Variants in ERO1B observed in about 807,000 individuals in gnomAD.
ERO1B encodes endoplasmic reticulum oxidoreductase 1 beta.
ERO1B carries 49 observed loss-of-function variants against 75.3 expected under a neutral mutation model. The observed-to-expected ratio is 0.65, with a 90% CI of 0.52 to 0.83. The LOEUF is 0.83. Ranked by LOEUF, ERO1B falls within the 40% of genes least tolerant of loss-of-function variation. The pLI is 0.00. For missense variants in ERO1B, 512 were observed against 560.1 expected (o/e 0.91, Z 0.87); for synonymous variants, 191 against 192.9 (o/e 0.99, Z 0.08).
rs1039926959 is a variant in ERO1B at position 236,253,286 on chromosome 1, A to C, written c.306+136T>G. On this transcript the variant is annotated intron_variant, in intron 3 of 15. Coordinates refer to ENST00000354619, the MANE Select transcript of ERO1B (RefSeq NM_019891.4). ...TAGAATCTTCAATAATCTGGTTCTA[A>C]AGGAGAGAGCTGAGAGCATATGAAT... The C allele has an allele frequency of 9.9e-6, 6 of 605,778 alleles. No homozygotes were observed. In the Admixed American group the frequency reaches 1.8e-4, roughly 18 times the overall value. The allele number at this position is 605,778 out of a possible 1,614,324, so 37.5% of individuals were successfully genotyped here. A position where few individuals can be genotyped will look rare whatever the true frequency, so the allele number is the denominator to read the frequency against.
chr1:236,225,207 A>G (rs1664251063), intron 12 of ERO1B, 68 bp from the exon 13 acceptor site: 2 of 1,454,596 alleles, frequency 1.4e-6, no homozygotes. Flanking sequence ...CAGAAACCTG[A>G]TAAAATTTTC....
At chr1:236,265,402 TG>T (rs1451710995) in intron 2 of ERO1B, among the ~76,000 whole-genome samples, 1 of 152,228 alleles carries the variant, frequency 6.6e-6, no homozygotes, top group African/African-American at 2.4e-5. Flanking sequence ...TGCTTGTATA[TG>T]TGCACTCAAA....
At chr1:236,224,038 G>A (rs1046995180) in intron 13 of ERO1B, among the ~76,000 whole-genome samples, 1 of 152,066 alleles carries the variant, frequency 6.6e-6, no homozygotes. Context: ...TTAAATTTTA[G>A]AAATACAGTA....
intron 6 of ERO1B, among the ~76,000 whole-genome samples, chr1:236,237,366 C>T (rs1041012969): frequency 6.6e-6 from 1 of 152,046 alleles, no homozygotes; most frequent in Non-Finnish European, 1.5e-5. Context: ...CCACCTGCCT[C>T]GGCCTCCCAA....
At chr1:236,242,859 G>T (rs974911714) in intron 6 of ERO1B, among the ~76,000 whole-genome samples, 7 of 152,132 alleles carry the variant, frequency 4.6e-5, no homozygotes, top group African/African-American at 1.7e-4. Flanking sequence ...AGTTACTCTG[G>T]TGGAGAGTGT....
chr1:236,258,899 A>AT (rs1665229076), intron 2 of ERO1B, among the ~76,000 whole-genome samples: 2 of 152,140 alleles, frequency 1.3e-5, no homozygotes, highest in Non-Finnish European at 2.9e-5. Context: ...AAACATAAAT[A>AT]AATAAATAAA....
At chr1:236,243,756 AAATT>A (rs1314581076) in intron 5 of ERO1B, among the ~76,000 whole-genome samples, 1 of 152,158 alleles carries the variant, frequency 6.6e-6, no homozygotes, top group African/African-American at 2.4e-5. Flanking sequence ...TTTCAAGGAG[AAATT>A]AATTTGTAAA....
At chr1:236,239,873 G>GTATA (rs1572042451) in intron 6 of ERO1B, among the ~76,000 whole-genome samples, 3 of 78,556 alleles carry the variant, frequency 3.8e-5, no homozygotes, top group Non-Finnish European at 4.9e-5. Context: ...ATATATATGT[G>GTATA]TATATGTGTG....
At chr1:236,265,021 T>G (rs1045002893) in intron 2 of ERO1B, among the ~76,000 whole-genome samples, 2 of 147,774 alleles carry the variant, frequency 1.4e-5, no homozygotes, top group African/African-American at 4.9e-5. Context: ...TAAAATAAAA[T>G]TTTATGGCTC....
intron 1 of ERO1B, among the ~76,000 whole-genome samples, chr1:236,275,303 C>T (rs1665685873): frequency 6.6e-6 from 1 of 152,210 alleles, no homozygotes; most frequent in African/African-American, 2.4e-5. Context: ...TTCTGACTGG[C>T]TATCAATTGT....
chr1:236,245,165 T>C (rs1443787545), intron 5 of ERO1B, among the ~76,000 whole-genome samples: 1 of 149,974 alleles, frequency 6.7e-6, no homozygotes, highest in Admixed American at 6.7e-5. Flanking sequence ...AATTTATTTA[T>C]TTATTTTTTT....
chr1:236,279,515 A>AAAAAC (rs574470374), intron 1 of ERO1B, among the ~76,000 whole-genome samples: 10,935 of 142,446 alleles, frequency 0.077, 973 homozygotes, highest in Non-Finnish European at 0.12. Context: ...AAAAAAAAAA[A>AAAAAC]AAAAACAGCA....
intron 4 of ERO1B, chr1:236,251,444 TACAATA>T (rs1421727213): frequency 5.2e-6 from 5 of 966,740 alleles, no homozygotes; most frequent in Non-Finnish European, 6.1e-6. Flanking sequence ...CAAAAATAAA[TACAATA>T]AAGTAAAAAC....
At chr1:236,233,535 T>C (rs1330890386) in intron 8 of ERO1B, among the ~76,000 whole-genome samples, 8 of 150,206 alleles carry the variant, frequency 5.3e-5, no homozygotes, top group African/African-American at 9.8e-5. Flanking sequence ...GAGGCGGAGG[T>C]TGCAGTGAGC....
intron 2 of ERO1B, among the ~76,000 whole-genome samples, chr1:236,255,232 C>A (rs1665134701): frequency 6.6e-6 from 1 of 152,002 alleles, no homozygotes; most frequent in South Asian, 2.1e-4. Context: ...CCATGCCCGG[C>A]CTCAAGGTCT....
At chr1:236,253,638 G>C (rs1268259221) in intron 2 of ERO1B, 133 bp from the exon 3 acceptor site, 1 of 628,270 alleles carries the variant, frequency 1.6e-6, no homozygotes, top group Non-Finnish European at 2.9e-6. Context: ...CACCTATAAG[G>C]TTCAGAATTT....
chr1:236,272,184 C>T (rs1414533993), intron 1 of ERO1B, among the ~76,000 whole-genome samples: 3 of 152,138 alleles, frequency 2.0e-5, no homozygotes, highest in Admixed American at 6.5e-5. Context: ...CATCATTTGA[C>T]CCTGCAATCC....
At chr1:236,249,527 C>T (rs553186726) in intron 5 of ERO1B, among the ~76,000 whole-genome samples, 4 of 152,254 alleles carry the variant, frequency 2.6e-5, no homozygotes, top group African/African-American at 9.6e-5. Flanking sequence ...TAACTTTTAT[C>T]ATTCAAAATG....
intron 10 of ERO1B, among the ~76,000 whole-genome samples, chr1:236,227,441 T>C (rs1664306337): frequency 6.6e-6 from 1 of 152,170 alleles, no homozygotes; most frequent in Non-Finnish European, 1.5e-5. Flanking sequence ...TTTTAAAAGA[T>C]TTTCTCTCAT....
Sources: gnomAD v4.1 joint callset for allele counts (sites outside exome capture counted in the v4.1 genomes callset) on GRCh38, gnomAD v4.1.1 for gene constraint, MANE v1.5 for transcripts, NCBI Gene and HGNC (gene_info 2026-07-23, HGNC 2026-07-21) for gene names.